TOP1MT: variants seen among roughly 807,000 people sequenced by gnomAD.
The protein encoded by TOP1MT is DNA topoisomerase I mitochondrial.
Under a neutral mutation model 73.9 loss-of-function variants are expected in TOP1MT, and 80 were observed. The ratio of observed to expected loss-of-function variants is 1.08; its 90% CI spans 0.90 to 1.30. The LOEUF (loss-of-function observed/expected upper bound fraction) is 1.30. Ranked by LOEUF, TOP1MT falls within the 50% of genes most tolerant of loss-of-function variation. The pLI is 0.00. For synonymous variants in TOP1MT, 338 were observed against 326.4 expected, an observed-to-expected ratio of 1.04 and a Z score of -0.38; for missense variants, 815 against 808.0, an observed-to-expected ratio of 1.01 and a Z score of -0.10.
At chr8:143,334,571 G>C (rs974920147) in intron 1 of TOP1MT, among the ~76,000 whole-genome samples, 169 bp downstream of exon 1, 1 of 152,234 alleles carries the variant, frequency 6.6e-6, no homozygotes, top group African/African-American at 2.4e-5. Flanking sequence ...TGTACACCCC[G>C]GGCAGGAGGC....
intron 8 of TOP1MT, among the ~76,000 whole-genome samples, chr8:143,320,993 G>A (rs79682397): frequency 0.028 from 4,256 of 152,188 alleles, 208 homozygotes; most frequent in African/African-American, 0.097. Context: ...TTCAGCCCCC[G>A]ACCAGCTCCC....
chr8:143,309,782 C>A, intron 13 of TOP1MT: 1 of 1,533,104 alleles, frequency 6.5e-7, no homozygotes, highest in Non-Finnish European at 8.7e-7. Flanking sequence ...GGGCGCTCAG[C>A]CACCTCCCAC....
At chr8:143,329,228 G>C (rs150670723) in intron 3 of TOP1MT, 122 bp downstream of exon 3, 2 of 1,126,806 alleles carry the variant, frequency 1.8e-6, no homozygotes, top group Non-Finnish European at 2.5e-6. Context: ...GACGGCACCT[G>C]TGAGTGGTCA....
rs1586752139 is a variant in TOP1MT, at chr8:143,317,662, C to T, written c.1330+61G>A. ...CACTCAACAAGGGCCAGCCGGGGAG[C>T]CCGGTCTGGGGCAGGGGCCGTGCTC... is the stretch of plus-strand genomic sequence containing the variant. On this transcript the variant is annotated intron_variant, in intron 10 of 13. Coordinates refer to ENST00000329245, the MANE Select transcript of TOP1MT (RefSeq NM_052963.3). The T allele has an allele frequency of 4.1e-6, 6 of 1,453,124 alleles. No homozygotes were observed. The East Asian group carries it at 1.4e-4, about 34-fold the overall frequency. The allele number at this position is 1,453,124 out of a possible 1,614,324, so 90.0% of individuals were successfully genotyped here.
rs183010275 is a variant in TOP1MT, at chr8:143,320,881, C to A, written c.1146+320G>T. Among the ~76,000 whole-genome samples, 19 of 152,028 alleles carry A rather than the reference C, an allele frequency of 1.2e-4. No individual in the cohort carries two copies. The East Asian group carries it at 3.5e-3, about 28-fold the overall frequency. On this transcript the variant is annotated intron_variant, in intron 8 of 13. Transcript: ENST00000329245. ...GCCCCCAGGGCTGAGCGACAATAAA[C>A]GTCTGTTAAACCACTGGGTCTGCAG...
intron 12 of TOP1MT, 46 bp downstream of exon 12, chr8:143,315,681 T>C (rs940179250): frequency 2.0e-6 from 3 of 1,527,902 alleles, no homozygotes; most frequent in Non-Finnish European, 2.7e-6. Flanking sequence ...CCCTACGGGT[T>C]GGGACAGGGC....
intron 1 of TOP1MT, among the ~76,000 whole-genome samples, chr8:143,354,731 A>C (rs937287403): frequency 1.3e-5 from 2 of 152,026 alleles, no homozygotes; most frequent in Non-Finnish European, 2.9e-5. Context: ...AAAAAGAAAA[A>C]CTTTAGATAA....
intron 4 of TOP1MT, among the ~76,000 whole-genome samples, 166 bp from the exon 5 acceptor site, chr8:143,325,699 T>G (rs576566148): frequency 6.6e-6 from 1 of 152,230 alleles, no homozygotes; most frequent in Admixed American, 6.5e-5. Flanking sequence ...ACAGTGCAGG[T>G]GGGCTTGCAG....
At chr8:143,323,312 CCA>C (rs1816584555) in intron 7 of TOP1MT, among the ~76,000 whole-genome samples, 1 of 92,690 alleles carries the variant, frequency 1.1e-5, no homozygotes, top group Admixed American at 1.1e-4. Flanking sequence ...CACATGCTCA[CCA>C]CACGCACGCC....
At chr8:143,349,165 C>G (rs1817278895), upstream of TOP1MT, among the ~76,000 whole-genome samples, 1 of 152,122 alleles carries the variant, frequency 6.6e-6, no homozygotes, top group Non-Finnish European at 1.5e-5. Context: ...GAGAAAATCT[C>G]AAGCACACAC....
intron 8 of TOP1MT, among the ~76,000 whole-genome samples, chr8:143,318,907 G>A (rs1322584522): frequency 1.3e-5 from 2 of 152,236 alleles, no homozygotes; most frequent in Non-Finnish European, 2.9e-5. Context: ...CGCTGATCTT[G>A]ACGAGGCTTT....
chr8:143,317,206 C>G (rs536375174), intron 10 of TOP1MT, among the ~76,000 whole-genome samples: 1 of 152,194 alleles, frequency 6.6e-6, no homozygotes, highest in Non-Finnish European at 1.5e-5. Flanking sequence ...CCGGACATCA[C>G]GGAGCAGGGG....
chr8:143,337,827 T>A (rs2130384228), upstream of TOP1MT, among the ~76,000 whole-genome samples: 1 of 152,324 alleles, frequency 6.6e-6, no homozygotes, highest in Non-Finnish European at 1.5e-5. Flanking sequence ...GCCTGGTAGT[T>A]AAAGATCGGC....
chr8:143,326,825 T>G lies in TOP1MT; in HGVS notation c.361-481A>C, dbSNP rs1816720498. On this transcript the variant is annotated intron_variant, in intron 3 of 13. Transcript: ENST00000329245. ...CAAAGTCTCAGTCCATACGTGCTGCTGCCACAAAATACCGGGGACTGGTCA... is the reference window on the plus strand; with the variant it reads ...CAAAGTCTCAGTCCATACGTGCTGCGGCCACAAAATACCGGGGACTGGTCA... Among the ~76,000 whole-genome samples, 4 of 152,228 alleles carry G rather than the reference T, an allele frequency of 2.6e-5. No homozygotes were observed. The South Asian group carries it at 8.3e-4, about 32-fold the overall frequency.
At chr8:143,311,263 C>T (rs1194281210) in intron 12 of TOP1MT, among the ~76,000 whole-genome samples, 1 of 151,912 alleles carries the variant, frequency 6.6e-6, no homozygotes, top group Non-Finnish European at 1.5e-5. Context: ...GCAACCTTGC[C>T]TGGCCAGGAA....
At chr8:143,358,187 G>A (rs1817443399), upstream of TOP1MT, among the ~76,000 whole-genome samples, 1 of 152,148 alleles carries the variant, frequency 6.6e-6, no homozygotes, top group Admixed American at 6.5e-5. Context: ...TTATGCTTTG[G>A]CTTCTTCACT....
At chr8:143,317,156 C>A (rs552489355) in intron 10 of TOP1MT, among the ~76,000 whole-genome samples, 6 of 152,350 alleles carry the variant, frequency 3.9e-5, no homozygotes, top group African/African-American at 1.2e-4. Context: ...ACCCTCTGGA[C>A]AGTCTGTGCG....
chr8:143,316,711 C>T (rs569988965), intron 10 of TOP1MT, among the ~76,000 whole-genome samples: 1 of 152,334 alleles, frequency 6.6e-6, no homozygotes, highest in African/African-American at 2.4e-5. Context: ...CTCCATTTTC[C>T]AGTCAAGAAT....
At chr8:143,330,327 G>A (rs1197471953) in intron 2 of TOP1MT, among the ~76,000 whole-genome samples, 1 of 152,226 alleles carries the variant, frequency 6.6e-6, no homozygotes, top group Non-Finnish European at 1.5e-5. Context: ...GGTCCTGCAG[G>A]GCTGCTGTGG....
Sources: allele counts gnomAD v4.1 joint callset (sites outside exome capture counted in the v4.1 genomes callset), GRCh38; gene constraint gnomAD v4.1.1; transcripts MANE v1.5; gene names NCBI Gene and HGNC (gene_info 2026-07-23, HGNC 2026-07-21).